Variants in RIMS1 observed in about 807,000 individuals in gnomAD.
RIMS1 encodes regulating synaptic membrane exocytosis protein 1.
RIMS1 carries 83 observed loss-of-function variants against 214.1 expected under a neutral mutation model. The ratio of observed to expected loss-of-function variants is 0.39; its 90% CI spans 0.32 to 0.47. The LOEUF (loss-of-function observed/expected upper bound fraction) is 0.47, where lower values mean the gene tolerates loss of function less well. Among genes scored for constraint, RIMS1 ranks in the 20% least tolerant of loss-of-function variants. The probability of loss-of-function intolerance (pLI) is 0.99; values close to 1 mark genes in which losing one functional copy is unlikely to be tolerated. For synonymous variants in RIMS1, 793 were observed against 786.8 expected, an observed-to-expected ratio of 1.01 and a Z score of -0.13; for missense variants, 2,050 against 2,161.8, an observed-to-expected ratio of 0.95 and a Z score of 1.03.
chr6:72,379,394 G>A (rs1229352541), intron 29 of RIMS1, among the ~76,000 whole-genome samples: 1 of 152,226 alleles, frequency 6.6e-6, no homozygotes, highest in African/African-American at 2.4e-5. Flanking sequence ...AATGTGGTCA[G>A]TCCTTAACTT....
At chr6:72,397,943 T>C (rs1182880530) in intron 31 of RIMS1, among the ~76,000 whole-genome samples, 1 of 152,100 alleles carries the variant, frequency 6.6e-6, no homozygotes, top group African/African-American at 2.4e-5. Context: ...CTGGATGAAA[T>C]AAGAGTAAGA....
chr6:72,157,363 A>G (rs2044573476), intron 4 of RIMS1, among the ~76,000 whole-genome samples: 1 of 140,130 alleles, frequency 7.1e-6, no homozygotes, highest in Non-Finnish European at 1.6e-5. Flanking sequence ...TTTATTCTGT[A>G]TGTTCTGTCA....
intron 29 of RIMS1, among the ~76,000 whole-genome samples, chr6:72,387,737 TCACTA>T (rs754287806): frequency 1.4e-4 from 22 of 152,154 alleles, no homozygotes; most frequent in Non-Finnish European, 2.4e-4. Context: ...GGAGTATAAA[TCACTA>T]CAATGTTTCT....
At chr6:71,999,076 T>C (rs572958069) in intron 2 of RIMS1, among the ~76,000 whole-genome samples, 1 of 152,232 alleles carries the variant, frequency 6.6e-6, no homozygotes, top group South Asian at 2.1e-4. Context: ...TGATCCCTTT[T>C]ACAATATTTT....
intron 1 of RIMS1, among the ~76,000 whole-genome samples, chr6:71,927,205 CACTCT>C (rs935612476): frequency 6.6e-6 from 1 of 152,076 alleles, no homozygotes; most frequent in African/African-American, 2.4e-5. Flanking sequence ...ACCTGTGTAC[CACTCT>C]ACTCTCTTCA....
chr6:72,176,945 AT>A (rs2047792953), intron 4 of RIMS1, among the ~76,000 whole-genome samples: 1 of 152,220 alleles, frequency 6.6e-6, no homozygotes, highest in Non-Finnish European at 1.5e-5. Context: ...CATACTCAAA[AT>A]TTGGAACATG....
chr6:72,267,333 A>T (rs1411978487), intron 22 of RIMS1, among the ~76,000 whole-genome samples: 1 of 152,126 alleles, frequency 6.6e-6, no homozygotes, highest in Non-Finnish European at 1.5e-5. Context: ...TAAAACAAGG[A>T]TAGAAATTCT....
chr6:72,368,675 G>A (rs1327710789), intron 29 of RIMS1, among the ~76,000 whole-genome samples: 1 of 152,114 alleles, frequency 6.6e-6, no homozygotes, highest in African/African-American at 2.4e-5. Flanking sequence ...CACTCTGGCA[G>A]GAGTGTGTTG....
chr6:72,161,703 T>C lies in RIMS1; in HGVS notation c.472-17872T>C, dbSNP rs1360464206. Reference sequence around the variant, plus strand: ...ATCCATGTAGGTGAGCGGTTTTGAGTGAGTTTCTTAAGCCTGAGTTCTAGT... The same window carrying C: ...ATCCATGTAGGTGAGCGGTTTTGAGCGAGTTTCTTAAGCCTGAGTTCTAGT... On this transcript the variant is annotated intron_variant, in intron 4 of 33. Transcript: ENST00000521978. 1.4e-5 allele frequency among the ~76,000 whole-genome samples: 2 copies of C among 140,326 alleles called. 1 individual carries two copies. Among genetic ancestry groups the C allele is most frequent in the Non-Finnish European group, 3.2e-5 (2 of 61,872 alleles). 92.1% of individuals were successfully genotyped at this position (140,326 alleles called of 152,430 possible).
rs545433341 is a variant in RIMS1 at position 72,140,251 on chromosome 6, A to G, written c.472-39324A>G. Among the ~76,000 whole-genome samples, 3 of 152,220 alleles carry G rather than the reference A, an allele frequency of 2.0e-5. No individual in the cohort carries two copies. The South Asian group carries it at 6.2e-4, about 32-fold the overall frequency. ...ATTGTCTTCACTTTAATGCTTTTAA[A>G]TGTATAATTATCAGCAAGGAACACT... is the stretch of plus-strand genomic sequence containing the variant. On this transcript the variant is annotated intron_variant, in intron 4 of 33. Coordinates refer to ENST00000521978, the MANE Select transcript of RIMS1 (RefSeq NM_014989.7).
At chr6:72,210,903 C>A (rs991371875) in intron 6 of RIMS1, among the ~76,000 whole-genome samples, 1 of 152,098 alleles carries the variant, frequency 6.6e-6, no homozygotes, top group African/African-American at 2.4e-5. Flanking sequence ...TGAATGCATG[C>A]ATGCAGGGAT....
intron 24 of RIMS1, among the ~76,000 whole-genome samples, chr6:72,287,159 CTTTA>C (rs1440051748): frequency 6.6e-6 from 1 of 152,064 alleles, no homozygotes; most frequent in Non-Finnish European, 1.5e-5. Context: ...CTTGGGGATG[CTTTA>C]TTTCTTTATT....
chr6:72,389,103 T>C (rs1201553623), intron 29 of RIMS1, among the ~76,000 whole-genome samples: 2 of 152,066 alleles, frequency 1.3e-5, no homozygotes, highest in Non-Finnish European at 2.9e-5. Flanking sequence ...GGATTGTCTA[T>C]TTCTAAAAAT....
chr6:72,205,009 C>T (rs1562571919), intron 6 of RIMS1, among the ~76,000 whole-genome samples: 1 of 152,058 alleles, frequency 6.6e-6, no homozygotes, highest in East Asian at 1.9e-4. Context: ...CATTGGATGA[C>T]AAGACATTAT....
In RIMS1 at chr6:72,039,053, A is replaced by G. The variant is rs1011620985; in HGVS notation, c.246-57896A>G. Among the ~76,000 whole-genome samples, 26 of 152,160 alleles carry G rather than the reference A, an allele frequency of 1.7e-4. 1 individual carries two copies. The highest frequency in any genetic ancestry group is 1.6e-3 in the Admixed American group (25 of 15,246). On this transcript the variant is annotated intron_variant, in intron 2 of 33. Coordinates refer to ENST00000521978, the MANE Select transcript of RIMS1 (RefSeq NM_014989.7). Reference sequence around the variant, plus strand: ...TTTCACTGACAATTCAATATTGAAAATGACCTTATTTGACTTTTCCTAACA... The same window carrying G: ...TTTCACTGACAATTCAATATTGAAAGTGACCTTATTTGACTTTTCCTAACA...
At position 72,258,219 on chromosome 6, in the gene RIMS1, T is replaced by C. The variant is rs2076658233; in HGVS notation, c.2865T>C (p.Ser955=). ...CTCATCACCGCTCACGTTCAGTATC[T>C]CCTCATCGCGGCAATGATCAGGGAA... The part of the protein sequence containing the change: ...RTTHHRSRSV[S]PHRGNDQGKP... Residue 955 remains serine (S), a synonymous_variant, in exon 17 of 34, where the codon TCT becomes TCC. Coordinates refer to ENST00000521978, the MANE Select transcript of RIMS1 (RefSeq NM_014989.7). 1.9e-5 allele frequency: 30 copies of C among 1,613,302 alleles called. No homozygotes were observed. The highest frequency in any genetic ancestry group is 2.5e-5 in the Non-Finnish European group (30 of 1,179,574).
chr6:72,133,228 C>G (rs1301339595), intron 4 of RIMS1, among the ~76,000 whole-genome samples: 1 of 136,606 alleles, frequency 7.3e-6, no homozygotes, highest in Non-Finnish European at 1.7e-5. Context: ...TTTCTTTTCT[C>G]TCTTTTTTTT....
intron 4 of RIMS1, among the ~76,000 whole-genome samples, chr6:72,152,819 GGAA>G (rs2153905101): frequency 3.5e-5 from 2 of 57,802 alleles, no homozygotes; most frequent in African/African-American, 1.0e-4. Flanking sequence ...GTATATATAT[GGAA>G]TATATGTATA....
chr6:71,996,629 C>T (rs1171598003), intron 2 of RIMS1, among the ~76,000 whole-genome samples: 1 of 152,208 alleles, frequency 6.6e-6, no homozygotes, highest in Non-Finnish European at 1.5e-5. Context: ...CCTACATTAT[C>T]TCCCAGTCAT....
Sources: allele counts gnomAD v4.1 joint callset (sites outside exome capture counted in the v4.1 genomes callset), GRCh38; gene constraint gnomAD v4.1.1; transcripts MANE v1.5; gene names NCBI Gene and HGNC (gene_info 2026-07-23, HGNC 2026-07-21).